The following LPP variants were observed in gnomAD, a reference collection of about 807,000 sequenced individuals.
LPP encodes the protein LIM domain containing preferred translocation partner in lipoma.
In LPP, 38 loss-of-function variants were observed where a neutral mutation model predicts 60.4. The observed-to-expected ratio is 0.63, with a 90% confidence interval of 0.49 to 0.83. LPP has a LOEUF of 0.83. LPP is among the 40% of genes least tolerant of loss of function. LPP has a pLI of 0.00. For synonymous variants in LPP, 328 were observed against 290.8 expected (o/e 1.13, Z -1.30); for missense variants, 902 against 783.6 (o/e 1.15, Z -1.80).
chr3:188,161,202 G>A (rs1000234767), intron 1 of LPP, among the ~76,000 whole-genome samples: 6 of 152,098 alleles, frequency 3.9e-5, no homozygotes, highest in Non-Finnish European at 7.4e-5. Context: ...GAGCAAAGGA[G>A]GGCCTTGTTG....
chr3:188,851,258 A>G (rs1037401235), intron 9 of LPP, among the ~76,000 whole-genome samples: 1 of 152,248 alleles, frequency 6.6e-6, no homozygotes. Flanking sequence ...GTGAAGTTCT[A>G]GCTTTTTAAC....
chr3:188,243,091 C>T (rs531738985), intron 2 of LPP, among the ~76,000 whole-genome samples: 1 of 152,220 alleles, frequency 6.6e-6, no homozygotes, highest in Non-Finnish European at 1.5e-5. Flanking sequence ...ATAGCTCTTA[C>T]AGTGATCAAA....
At chr3:188,288,840 C>G (rs1745007648) in intron 2 of LPP, among the ~76,000 whole-genome samples, 1 of 132,078 alleles carries the variant, frequency 7.6e-6, no homozygotes, top group African/African-American at 2.7e-5. Context: ...CACCCCCCCG[C>G]CCCTCTAGCT....
At chr3:188,447,360 C>A (rs542751396) in intron 4 of LPP, among the ~76,000 whole-genome samples, 3 of 152,148 alleles carry the variant, frequency 2.0e-5, no homozygotes, top group South Asian at 2.1e-4. Flanking sequence ...GCCTGTAATC[C>A]CAGCACTTTG....
intron 7 of LPP, among the ~76,000 whole-genome samples, chr3:188,643,716 C>G (rs948001217): frequency 6.6e-6 from 1 of 152,120 alleles, no homozygotes. Context: ...ATGAGACACC[C>G]CTGAGCCATC....
chr3:188,316,728 C>T lies in LPP; in HGVS notation c.-66-24935C>T, dbSNP rs114027578. Among the ~76,000 whole-genome samples the T allele has an allele frequency of 2.7e-3, 410 of 152,276 alleles. 1 individual carries two copies. The highest frequency in any genetic ancestry group is 0.01 in the Middle Eastern group (3 of 294). On this transcript the variant is annotated intron_variant, in intron 2 of 11. Transcript: ENST00000617246. ...CATTTAAAAACCAGTAGCTTTACTTCGAAAACTCAATTTTCAGATGAGAAT... is the reference window on the plus strand; with the variant it reads ...CATTTAAAAACCAGTAGCTTTACTTTGAAAACTCAATTTTCAGATGAGAAT...
chr3:188,839,143 C>T (rs1000535133), intron 9 of LPP, among the ~76,000 whole-genome samples: 1 of 152,204 alleles, frequency 6.6e-6, no homozygotes, highest in Non-Finnish European at 1.5e-5. Context: ...TACCTAACAT[C>T]TCTAGGAAAG....
chr3:188,882,165 G>A lies in LPP; in HGVS notation c.*7686G>A, dbSNP rs1770108599. On this transcript the variant is annotated 3_prime_UTR_variant, in exon 12 of 12. Transcript: ENST00000617246. ...AGGAAGGAATGTGACATCAGGAAGA[G>A]TCATTCCAGTGACATTAGTAAGACT... 4.7e-6 allele frequency: 1 copy of A among 213,066 alleles called. No homozygotes were observed. The highest frequency in any genetic ancestry group is 9.5e-6 in the Non-Finnish European group (1 of 105,406). The allele number at this position is 213,066 out of a possible 1,614,324, so 13.2% of individuals were successfully genotyped here. A position where few individuals can be genotyped will look rare whatever the true frequency, so the allele number is the denominator to read the frequency against.
intron 8 of LPP, among the ~76,000 whole-genome samples, chr3:188,723,380 C>G (rs1299412772): frequency 6.6e-6 from 1 of 152,178 alleles, no homozygotes; most frequent in African/African-American, 2.4e-5. Context: ...TCTCGTTCTG[C>G]CTTGGTTAAA....
At chr3:188,335,045 G>T (rs751197882) in intron 2 of LPP, among the ~76,000 whole-genome samples, 1 of 152,136 alleles carries the variant, frequency 6.6e-6, no homozygotes, top group Non-Finnish European at 1.5e-5. Flanking sequence ...TGTCCCATTG[G>T]TGTATACGCC....
intron 1 of LPP, among the ~76,000 whole-genome samples, chr3:188,170,630 C>T (rs1291199713): frequency 2.0e-5 from 3 of 151,098 alleles, no homozygotes; most frequent in East Asian, 2.0e-4. Context: ...CATGCCCAGC[C>T]GAGGGAGTCT....
intron 1 of LPP, among the ~76,000 whole-genome samples, chr3:188,203,556 AAT>A (rs1365711574): frequency 2.0e-5 from 2 of 98,474 alleles, no homozygotes; most frequent in African/African-American, 8.1e-5. Flanking sequence ...TATATTTTTA[AAT>A]ATATATAAAT....
intron 6 of LPP, among the ~76,000 whole-genome samples, chr3:188,588,969 G>A (rs1457648264): frequency 6.6e-6 from 1 of 151,962 alleles, no homozygotes. Flanking sequence ...ATACTTTATA[G>A]TTATTTTCAA....
At chr3:188,415,231 C>A (rs1264201200) in intron 4 of LPP, among the ~76,000 whole-genome samples, 20 of 151,896 alleles carry the variant, frequency 1.3e-4, no homozygotes, top group Admixed American at 1.3e-3. Context: ...AAACAGAGAG[C>A]CACAAAGAGA....
At chr3:188,581,689 G>C (rs555723726) in intron 6 of LPP, among the ~76,000 whole-genome samples, 3 of 152,042 alleles carry the variant, frequency 2.0e-5, no homozygotes, top group African/African-American at 4.8e-5. Context: ...ACAGCCCCTG[G>C]TTATACCCTG....
chr3:188,457,741 T>A (rs1005083340), intron 4 of LPP, among the ~76,000 whole-genome samples: 315 of 142,150 alleles, frequency 2.2e-3, no homozygotes, highest in African/African-American at 7.5e-3. Context: ...AAAAAAAAAA[T>A]ATATATATAT....
chr3:188,446,349 C>T (rs146007013), intron 4 of LPP, among the ~76,000 whole-genome samples: 3,118 of 152,272 alleles, frequency 0.02, 48 homozygotes, highest in Non-Finnish European at 0.032. Flanking sequence ...ACTCTCCAGA[C>T]GCCGTGCCAG....
chr3:188,600,833 T>G (rs1322715749), intron 6 of LPP, among the ~76,000 whole-genome samples: 1 of 152,052 alleles, frequency 6.6e-6, no homozygotes, highest in East Asian at 1.9e-4. Context: ...TTTTTGTAAC[T>G]GGCTTGTTTC....
At chr3:188,758,939 T>C (rs775639093) in intron 8 of LPP, among the ~76,000 whole-genome samples, 1 of 152,210 alleles carries the variant, frequency 6.6e-6, no homozygotes, top group Non-Finnish European at 1.5e-5. Context: ...CTAAAGCCCC[T>C]AGAAAAAGTC....
Sources: allele counts gnomAD v4.1 joint callset (sites outside exome capture counted in the v4.1 genomes callset), GRCh38; gene constraint gnomAD v4.1.1; transcripts MANE v1.5; gene names NCBI Gene and HGNC (gene_info 2026-07-23, HGNC 2026-07-21).